The following PTGER4 variants were observed in gnomAD, a reference collection of about 807,000 sequenced individuals.
PTGER4 encodes prostaglandin E receptor 4.
PTGER4 carries 11 observed loss-of-function variants against 33.2 expected under a neutral mutation model. The ratio of observed to expected loss-of-function variants is 0.33; its 90% confidence interval spans 0.21 to 0.55. PTGER4 has a LOEUF of 0.55. Ranked by LOEUF, PTGER4 falls within the 20% of genes least tolerant of loss-of-function variation. PTGER4 has a pLI of 0.92. For missense variants in PTGER4, 481 were observed against 650.2 expected, an observed-to-expected ratio of 0.74 and a Z score of 2.83; for synonymous variants, 275 against 281.5, an observed-to-expected ratio of 0.98 and a Z score of 0.23.
At chr5:40,735,834 G>T in the PTGER4 span, among the ~76,000 whole-genome samples, 2 of 152,264 alleles carry the variant, frequency 1.3e-5, no homozygotes, top group East Asian at 3.9e-4. Flanking sequence ...GTGATGACTG[G>T]ATTTGACAAC....
the PTGER4 span, chr5:40,730,120 T>A: frequency 1.6e-4 from 99 of 620,344 alleles, no homozygotes; most frequent in African/African-American, 1.6e-3. Context: ...GAACCATAAA[T>A]AATGGTGAAA....
chr5:40,680,981 G>A lies in PTGER4; in HGVS notation c.-13G>A. Reference sequence around the variant, plus strand: ...GCCTTGCACTCCAAGGCTGCGCACCGCCAGCCACTATCATGTCCACTCCCG... The same window carrying A: ...GCCTTGCACTCCAAGGCTGCGCACCACCAGCCACTATCATGTCCACTCCCG... On this transcript the variant is annotated 5_prime_UTR_variant, in exon 2 of 3. Transcript: ENST00000302472. This position sits in a 1 kb window ranked among gnomAD's most constrained non-coding sequence, Gnocchi z 5.5. 6.3e-7 allele frequency: 1 copy of A among 1,594,652 alleles called. No homozygotes were observed. Among genetic ancestry groups the A allele is most frequent in the South Asian group, 1.1e-5 (1 of 87,694 alleles).
rs760000336 is a variant in PTGER4 at position 40,681,736 on chromosome 5, T to G, written c.743T>G (p.Leu248Trp). 6.3e-7 allele frequency: 1 copy of G among 1,596,702 alleles called. No homozygotes were observed. Among genetic ancestry groups the G allele is most frequent in the Admixed American group, 1.7e-5 (1 of 59,010 alleles). ...GGCCACCCCGCTGCCTCCCCAGCCTTGCCGCGCCTCAGCGACTTTCGGCGC... is the reference window on the plus strand; with the variant it reads ...GGCCACCCCGCTGCCTCCCCAGCCTGGCCGCGCCTCAGCGACTTTCGGCGC... ...SRGHPAASPA[L>W]PRLSDFRRRR... is the part of the protein sequence containing the mutation. Residue 248 changes from leucine to tryptophan, a missense_variant, in exon 2 of 3, where the codon TTG becomes TGG. By Grantham distance (61) the Leu-to-Trp change is moderately conservative. Around this residue, in one of 7 missense-constraint regions of PTGER4, gnomAD observed 174 missense variants for 210.5 expected, o/e 0.83. Coordinates refer to ENST00000302472, the MANE Select transcript of PTGER4 (RefSeq NM_000958.3). This position sits in a 1 kb window ranked among gnomAD's most constrained non-coding sequence, Gnocchi z 9.8.
At chr5:40,726,136 AAGTCTTT>A in the PTGER4 span, among the ~76,000 whole-genome samples, 1 of 131,020 alleles carries the variant, frequency 7.6e-6, no homozygotes, top group Admixed American at 8.8e-5. Context: ...CATTCTCATA[AAGTCTTT>A]TATATATATA....
chr5:40,697,866 A>G (rs912669129), downstream of PTGER4, among the ~76,000 whole-genome samples: 11 of 151,566 alleles, frequency 7.3e-5, no homozygotes, highest in African/African-American at 2.4e-4. Flanking sequence ...AGCGGCTCAC[A>G]CCTGTAATCC....
At chr5:40,736,348 C>T in the PTGER4 span, among the ~76,000 whole-genome samples, 1 of 152,168 alleles carries the variant, frequency 6.6e-6, no homozygotes, top group African/African-American at 2.4e-5. Context: ...CTCAAATTTA[C>T]ATTAGTAGGT....
intron 2 of PTGER4, among the ~76,000 whole-genome samples, chr5:40,687,922 A>G (rs2111802867): frequency 6.6e-6 from 1 of 152,250 alleles, no homozygotes; most frequent in Middle Eastern, 3.4e-3. Context: ...TCCCTCCTAT[A>G]CTAGTCGAAA....
At chr5:40,712,121 A>T in the PTGER4 span, among the ~76,000 whole-genome samples, 1 of 152,140 alleles carries the variant, frequency 6.6e-6, no homozygotes, top group South Asian at 2.1e-4. Context: ...ATCCTAATTC[A>T]TTTCACATTC....
At chr5:40,723,660 T>C in the PTGER4 span, among the ~76,000 whole-genome samples, 3 of 150,914 alleles carry the variant, frequency 2.0e-5, no homozygotes, top group African/African-American at 7.3e-5. Context: ...AGACCAGGAG[T>C]TCAAGACCAG....
the PTGER4 span, among the ~76,000 whole-genome samples, chr5:40,703,054 A>G: frequency 6.6e-6 from 1 of 152,224 alleles, no homozygotes. Context: ...GTCCAAATCA[A>G]AAAGTTACAA....
At position 40,681,755 on chromosome 5, in the gene PTGER4, T is replaced by G; in HGVS notation, c.762T>G (p.Phe254Leu). 1.9e-5 allele frequency: 31 copies of G among 1,595,658 alleles called. No homozygotes were observed. Among genetic ancestry groups the G allele is most frequent in the Non-Finnish European group, 2.6e-5 (30 of 1,175,344 alleles). ...CAGCCTTGCCGCGCCTCAGCGACTT[T>G]CGGCGCCGCCGGAGCTTCCGCCGCA... ...ASPALPRLSDFRRRRSFRRIA... is the reference protein window; with the variant it reads ...ASPALPRLSDLRRRRSFRRIA... Residue 254 changes from phenylalanine to leucine, a missense_variant, in exon 2 of 3, where the codon TTT (phenylalanine) becomes TTG (leucine). Phe to Leu is a conservative substitution (Grantham distance 22, BLOSUM62 0). Coordinates refer to ENST00000302472, the MANE Select transcript of PTGER4 (RefSeq NM_000958.3). This position sits in a 1 kb window ranked among gnomAD's most constrained non-coding sequence, Gnocchi z 9.8.
At position 40,681,921 on chromosome 5, in the gene PTGER4, T is replaced by G; in HGVS notation, c.867+61T>G. Reference sequence around the variant, plus strand: ...TTCTCGCATCCACCTCCCGCGTCCATTCCCCGCTCCCTGCTTTCCCTCTGA... The same window carrying G: ...TTCTCGCATCCACCTCCCGCGTCCAGTCCCCGCTCCCTGCTTTCCCTCTGA... On this transcript the variant is annotated intron_variant, in intron 2 of 2. Transcript: ENST00000302472. This position sits in a 1 kb window ranked among gnomAD's most constrained non-coding sequence, Gnocchi z 9.8. 6.8e-7 allele frequency: 1 copy of G among 1,462,714 alleles called. No individual in the cohort carries two copies. The highest frequency in any genetic ancestry group is 9.0e-7 in the Non-Finnish European group (1 of 1,107,732). 90.6% of individuals were successfully genotyped at this position (1,462,714 alleles called of 1,614,324 possible).
chr5:40,718,480 G>A, the PTGER4 span, among the ~76,000 whole-genome samples: 3 of 152,264 alleles, frequency 2.0e-5, no homozygotes, highest in East Asian at 1.9e-4. Flanking sequence ...GGTGGCTCAC[G>A]CCTGTAATCC....
At chr5:40,695,945 A>C (rs953659946), downstream of PTGER4, among the ~76,000 whole-genome samples, 1 of 152,178 alleles carries the variant, frequency 6.6e-6, no homozygotes, top group Non-Finnish European at 1.5e-5. Context: ...GGGGGAGAGC[A>C]AGGGTTGAAA....
the PTGER4 span, among the ~76,000 whole-genome samples, chr5:40,729,697 A>G: frequency 6.6e-6 from 1 of 151,904 alleles, no homozygotes; most frequent in Non-Finnish European, 1.5e-5. Context: ...TTTATTTTTT[A>G]TTTACTTATT....
At position 40,680,773 on chromosome 5, in the gene PTGER4, A is replaced by C. The variant is rs543964135; in HGVS notation, c.-43-178A>C. ...TCAGCAAGAGTGTGCTGTTGGCAGG[A>C]CGTATCGCGAGCCTGGAGATTTTGG... On this transcript the variant is annotated intron_variant, in intron 1 of 2. Transcript: ENST00000302472. This position sits in a 1 kb window ranked among gnomAD's most constrained non-coding sequence, Gnocchi z 5.5. Among the ~76,000 whole-genome samples the C allele has an allele frequency of 6.6e-6, 1 of 152,292 alleles. No homozygotes were observed. Among genetic ancestry groups the C allele is most frequent in the African/African-American group, 2.4e-5 (1 of 41,558 alleles).
At position 40,691,673 on chromosome 5, in the gene PTGER4, C is replaced by T. The variant is rs1741475198; in HGVS notation, c.868-106C>T. 7 of 1,427,570 alleles carry T rather than the reference C, an allele frequency of 4.9e-6. No homozygotes were observed. Among genetic ancestry groups the T allele is most frequent in the African/African-American group, 1.4e-5 (1 of 69,740 alleles). The allele number at this position is 1,427,570 out of a possible 1,614,324, so 88.4% of individuals were successfully genotyped here. A position where few individuals can be genotyped will look rare whatever the true frequency, so the allele number is the denominator to read the frequency against. ...CTTCCTCTTTTCCTGGAACTTGTTA[C>T]CAGAAATGAAGGCAGCTTCCTAATA... On this transcript the variant is annotated intron_variant, in intron 2 of 2. Transcript: ENST00000302472. The surrounding 1 kb of genome is among the most constrained non-coding windows in gnomAD (Gnocchi z 4.2).
the PTGER4 span, among the ~76,000 whole-genome samples, chr5:40,717,254 CATGT>C: frequency 1.4e-5 from 2 of 139,546 alleles, no homozygotes; most frequent in African/African-American, 5.2e-5. Context: ...AAAAGATTTA[CATGT>C]ATTAACTCAT....
chr5:40,723,515 A>T, the PTGER4 span, among the ~76,000 whole-genome samples: 2 of 17,214 alleles, frequency 1.2e-4, no homozygotes, highest in East Asian at 9.7e-3. Context: ...CTCAAATTAA[A>T]AAAAAAAAAA....
Sources: gnomAD v4.1 joint callset for allele counts (sites outside exome capture counted in the v4.1 genomes callset) on GRCh38, gnomAD v4.1.1 for gene constraint, gnomAD v4.1.1 regional missense constraint, Gnocchi (gnomAD v3.1) non-coding constraint, MANE v1.5 for transcripts, NCBI Gene and HGNC (gene_info 2026-07-23, HGNC 2026-07-21) for gene names.